The following PPP3R1 variants were observed in gnomAD, a reference collection of about 807,000 sequenced individuals.
PPP3R1 encodes protein phosphatase 3 regulatory subunit B, alpha, also known as calcineurin subunit B type 1.
Under a neutral mutation model 22.6 loss-of-function variants are expected in PPP3R1, and 5 were observed. The observed-to-expected ratio is 0.22, with a 90% CI of 0.12 to 0.46. PPP3R1 has a LOEUF of 0.46. PPP3R1 is among the 20% of genes least tolerant of loss of function. The pLI, the probability that PPP3R1 is intolerant of heterozygous loss-of-function variation, is 0.99. For synonymous variants in PPP3R1, 56 were observed against 65.2 expected (o/e 0.86, Z 0.68); for missense variants, 61 against 203.2 (o/e 0.30, Z 4.25).
chr2:68,225,534 G>C (rs1669765540), intron 1 of PPP3R1, among the ~76,000 whole-genome samples: 2 of 152,222 alleles, frequency 1.3e-5, no homozygotes. Context: ...TGGTCTGGAT[G>C]GCATCTTGAT....
chr2:68,217,312 A>G (rs1276508865), intron 1 of PPP3R1, among the ~76,000 whole-genome samples, 181 bp from the exon 2 acceptor site: 1 of 152,146 alleles, frequency 6.6e-6, no homozygotes, highest in African/African-American at 2.4e-5. Context: ...ATACTGTAGA[A>G]AGAGTTCTTG....
intron 2 of PPP3R1, among the ~76,000 whole-genome samples, chr2:68,196,420 GCA>G (rs1674774463): frequency 6.6e-6 from 1 of 152,052 alleles, no homozygotes; most frequent in South Asian, 2.1e-4. Context: ...TTTATATTCT[GCA>G]CAGTTTGACT....
intron 2 of PPP3R1, among the ~76,000 whole-genome samples, chr2:68,206,977 G>A (rs1252245531): frequency 6.6e-6 from 1 of 151,994 alleles, no homozygotes; most frequent in Non-Finnish European, 1.5e-5. Context: ...AGGCATGACA[G>A]GAATTAACCT....
chr2:68,202,106 C>A (rs900050550), intron 2 of PPP3R1, among the ~76,000 whole-genome samples: 1 of 152,212 alleles, frequency 6.6e-6, no homozygotes, highest in Non-Finnish European at 1.5e-5. Flanking sequence ...CAGACGCTAT[C>A]ACTCTGTGTT....
At chr2:68,238,987 C>A (rs1282193316) in intron 1 of PPP3R1, among the ~76,000 whole-genome samples, 1 of 152,040 alleles carries the variant, frequency 6.6e-6, no homozygotes. Flanking sequence ...AAAATATTAA[C>A]AAAGCTGTGC....
intron 2 of PPP3R1, among the ~76,000 whole-genome samples, chr2:68,211,912 T>C (rs1318005202): frequency 1.3e-5 from 2 of 152,204 alleles, no homozygotes; most frequent in Non-Finnish European, 2.9e-5. Flanking sequence ...CTTTTGCTCC[T>C]TCTATCACAT....
At chr2:68,186,761 G>T in intron 4 of PPP3R1, 109 bp from the exon 5 acceptor site, 1 of 1,019,128 alleles carries the variant, frequency 9.8e-7, no homozygotes, top group Non-Finnish European at 1.4e-6. Flanking sequence ...ATGACTATGA[G>T]GATGTCTCCT....
At chr2:68,242,789 G>T (rs563064810) in intron 1 of PPP3R1, among the ~76,000 whole-genome samples, 1 of 152,142 alleles carries the variant, frequency 6.6e-6, no homozygotes, top group Non-Finnish European at 1.5e-5. Context: ...CACTCAGGAG[G>T]ATATGAAAGA....
At chr2:68,249,690 CAAAT>C (rs1307976505) in intron 1 of PPP3R1, among the ~76,000 whole-genome samples, 1 of 146,102 alleles carries the variant, frequency 6.8e-6, no homozygotes, top group African/African-American at 2.5e-5. Flanking sequence ...ATTTAAAACT[CAAAT>C]AAGGGTGAAG....
intron 2 of PPP3R1, among the ~76,000 whole-genome samples, chr2:68,211,516 C>T (rs1669487238): frequency 6.6e-6 from 1 of 151,726 alleles, no homozygotes; most frequent in African/African-American, 2.4e-5. Context: ...ATGTTGATGG[C>T]CACGGACTGA....
intron 1 of PPP3R1, among the ~76,000 whole-genome samples, chr2:68,232,247 GTGTGTGTGTGTGTGTGTGTATA>G (rs1558641501): frequency 1.4e-4 from 10 of 71,522 alleles, no homozygotes; most frequent in African/African-American, 3.3e-4. Flanking sequence ...GTGTGTGTGT[GTGTGTGTGTGTGTGTGTGTATA>G]TATATATACA....
intron 1 of PPP3R1, among the ~76,000 whole-genome samples, chr2:68,242,404 C>A (rs150837158): frequency 2.0e-5 from 3 of 147,754 alleles, no homozygotes; most frequent in Admixed American, 6.8e-5. Flanking sequence ...CTAGCCTGGA[C>A]AACAGAGCAA....
At chr2:68,202,792 ATTTTTTTTTT>A (rs71395958) in intron 2 of PPP3R1, among the ~76,000 whole-genome samples, 10 of 81,214 alleles carry the variant, frequency 1.2e-4, no homozygotes, top group Admixed American at 5.0e-4. Context: ...AGTTCAGGGA[ATTTTTTTTTT>A]TTTTTTTTTT....
At chr2:68,224,620 C>A (rs1669748849) in intron 1 of PPP3R1, among the ~76,000 whole-genome samples, 1 of 151,120 alleles carries the variant, frequency 6.6e-6, no homozygotes, top group Middle Eastern at 3.4e-3. Context: ...GCTGAAATCA[C>A]GCCACTGCAC....
intron 1 of PPP3R1, among the ~76,000 whole-genome samples, chr2:68,241,659 C>A (rs986148874): frequency 2.0e-5 from 3 of 152,076 alleles, no homozygotes; most frequent in African/African-American, 7.2e-5. Flanking sequence ...ACTTGACCAA[C>A]ATGGTGAAAT....
chr2:68,187,074 A>AT (rs1420330131), intron 4 of PPP3R1, among the ~76,000 whole-genome samples, 181 bp downstream of exon 4: 2 of 152,248 alleles, frequency 1.3e-5, no homozygotes, highest in African/African-American at 4.8e-5. Flanking sequence ...GCAATGACAC[A>AT]TTATTCAAAT....
At chr2:68,245,334 C>T (rs571318084) in intron 1 of PPP3R1, among the ~76,000 whole-genome samples, 7 of 152,116 alleles carry the variant, frequency 4.6e-5, no homozygotes, top group Non-Finnish European at 1.0e-4. Flanking sequence ...CGCACTCCAA[C>T]CTGGGCAAAA....
chr2:68,243,024 A>T (rs1015610298), intron 1 of PPP3R1, among the ~76,000 whole-genome samples: 7 of 152,206 alleles, frequency 4.6e-5, no homozygotes, highest in African/African-American at 1.7e-4. Context: ...CAGAAAAACA[A>T]GTCAATGTAA....
intron 1 of PPP3R1, among the ~76,000 whole-genome samples, chr2:68,230,208 G>A (rs1490493943): frequency 6.6e-6 from 1 of 152,028 alleles, no homozygotes; most frequent in African/African-American, 2.4e-5. Context: ...GCCCAGGCTG[G>A]TCTCAAACTC....
Sources: allele counts gnomAD v4.1 joint callset (sites outside exome capture counted in the v4.1 genomes callset), GRCh38; gene constraint gnomAD v4.1.1; transcripts MANE v1.5; gene names NCBI Gene and HGNC (gene_info 2026-07-23, HGNC 2026-07-21).